FSIP2: variants seen among roughly 807,000 people sequenced by gnomAD.
The protein encoded by FSIP2 is fibrous sheath interacting protein 2.
A neutral mutation model predicts 510.5 loss-of-function variants in FSIP2; 367 were observed. The ratio of observed to expected loss-of-function variants is 0.72; its 90% CI spans 0.66 to 0.78. The LOEUF (loss-of-function observed/expected upper bound fraction) is 0.78. Among genes scored for constraint, FSIP2 ranks in the 30% least tolerant of loss-of-function variants. The pLI, the probability that FSIP2 is intolerant of heterozygous loss-of-function variation, is 0.00. For synonymous variants in FSIP2, 2,601 were observed against 2,732.2 expected, an observed-to-expected ratio of 0.95 and a Z score of 1.50; for missense variants, 7,594 against 7,901.7, an observed-to-expected ratio of 0.96 and a Z score of 1.48.
intron 22 of FSIP2, among the ~76,000 whole-genome samples, chr2:185,832,438 T>C (rs1282188368): frequency 2.0e-5 from 3 of 151,798 alleles, no homozygotes; most frequent in African/African-American, 7.3e-5. Flanking sequence ...CAAAAGAAGC[T>C]GGGTATTAAA....
In FSIP2 at chr2:185,794,117, T is replaced by C; in HGVS notation, c.6981T>C (p.Asp2327=). The change falls in exon 16 of 23, where the codon GAT becomes GAC. Residue 2327 remains aspartate, a synonymous_variant. Transcript: ENST00000424728. ...CCATTCTCAGCCAAGAGCTTACAGA[T>C]TTCACTTTTGTTGGTCGCAGAGAAA... The part of the protein sequence containing the change: ...TETILSQELT[D]FTFVGRREKL... 6.5e-7 allele frequency: 1 copy of C among 1,531,828 alleles called. No homozygotes were observed. The allele number at this position is 1,531,828 out of a possible 1,614,324, so 94.9% of individuals were successfully genotyped here.
chr2:185,792,346 T>A lies in FSIP2; in HGVS notation c.5210T>A (p.Ile1737Asn), dbSNP rs1351679732. 6.5e-7 allele frequency: 1 copy of A among 1,528,438 alleles called. No homozygotes were observed. 94.7% of individuals were successfully genotyped at this position (1,528,438 alleles called of 1,614,324 possible). A position where few individuals can be genotyped will look rare whatever the true frequency, so the allele number is the denominator to read the frequency against. ...LEDDAYTAKK[I>N]IDERSPQREE... ...GATGATGCATATACAGCGAAAAAAA[T>A]TATTGATGAGAGATCCCCACAAAGA... Residue 1737 changes from isoleucine (I) to asparagine (N), a missense_variant, in exon 16 of 23, where the codon ATT becomes AAT. Physicochemically the swap from Ile to Asn is moderately radical, Grantham distance 149. Transcript: ENST00000424728.
intron 13 of FSIP2, among the ~76,000 whole-genome samples, chr2:185,768,557 G>A (rs1450275582): frequency 6.6e-6 from 1 of 151,770 alleles, no homozygotes; most frequent in African/African-American, 2.4e-5. Context: ...ATTTTTAATT[G>A]GCATATAGTT....
intron 14 of FSIP2, among the ~76,000 whole-genome samples, chr2:185,784,847 C>T (rs1474782668): frequency 6.6e-6 from 1 of 151,970 alleles, no homozygotes; most frequent in East Asian, 1.9e-4. Context: ...TTTCTTTCGC[C>T]AGTTTACTTC....
In FSIP2 at chr2:185,813,985, A is replaced by C; in HGVS notation, c.20268A>C (p.Thr6756=). 3 of 1,613,428 alleles carry C rather than the reference A, an allele frequency of 1.9e-6. No individual in the cohort carries two copies. Among genetic ancestry groups the C allele is most frequent in the Non-Finnish European group, 2.5e-6 (3 of 1,179,640 alleles). Residue 6756 remains threonine, a synonymous_variant, in exon 18 of 23, where the codon ACA becomes ACC. Transcript: ENST00000424728. ...CTGTTGCTGAGCTTGACATGGCCACACCAAAGACGATGCCTGAAACAGCCT... is the reference window on the plus strand; with the variant it reads ...CTGTTGCTGAGCTTGACATGGCCACCCCAAAGACGATGCCTGAAACAGCCT... ...KRAVAELDMA[T]PKTMPETASS... is the part of the protein sequence containing the mutation.
In FSIP2 at chr2:185,789,714, C is replaced by CCAAT. The variant is rs1484549379; in HGVS notation, c.2579_2582dup (p.Cys862AsnfsTer12). 2 of 1,533,984 alleles carry CCAAT rather than the reference C, an allele frequency of 1.3e-6. No individual in the cohort carries two copies. The highest frequency in any genetic ancestry group is 2.7e-5 in the African/African-American group (2 of 72,838). ...TTCCTGCCAGCAACATAAGACAGAC[C>CCAAT]CAATATGTATGTTCCTTCAAAGAGC... is the stretch of plus-strand genomic sequence containing the variant. On this transcript the variant is annotated frameshift_variant, in exon 16 of 23. Coordinates refer to ENST00000424728, the MANE Select transcript of FSIP2 (RefSeq NM_173651.4). LOFTEE classifies it high-confidence loss of function.
chr2:185,776,106 C>T (rs1692711483), intron 13 of FSIP2, among the ~76,000 whole-genome samples: 1 of 151,996 alleles, frequency 6.6e-6, no homozygotes, highest in Non-Finnish European at 1.5e-5. Flanking sequence ...ACTGTCTCTA[C>T]CTAAAGTACA....
At position 185,807,197 on chromosome 2, in the gene FSIP2, T is replaced by C. The variant is rs1480592402; in HGVS notation, c.17891T>C (p.Leu5964Ser). Residue 5964 changes from leucine (L) to serine (S), a missense_variant, in exon 17 of 23, where the codon TTG (leucine) becomes TCG (serine). Physicochemically the swap from Leu to Ser is moderately radical, Grantham distance 145. Coordinates refer to ENST00000424728, the MANE Select transcript of FSIP2 (RefSeq NM_173651.4). ...GAAATTTTCCAACGTCAGGTTAACT[T>C]GATATTTTGTGATGAGGTTTCAGTT... Reference protein sequence around the residue: ...INEIFQRQVNLIFCDEVSVSA... With the variant: ...INEIFQRQVNSIFCDEVSVSA... The C allele has an allele frequency of 6.2e-7, 1 of 1,601,726 alleles. No individual in the cohort carries two copies. Among genetic ancestry groups the C allele is most frequent in the African/African-American group, 1.4e-5 (1 of 74,068 alleles).
Position 185,790,542 on chromosome 2 carries a change from G to A in FSIP2, c.3406G>A (p.Glu1136Lys), listed in dbSNP as rs1693096903. ...FGHLDSKTGS[E>K]ASVLVSEKPQ... ...TCACTTAGACAGCAAAACTGGCAGT[G>A]AAGCTTCAGTTCTTGTTTCAGAAAA... The change falls in exon 16 of 23, where the codon GAA becomes AAA. Residue 1136 changes from glutamate (E) to lysine (K), a missense_variant. Transcript: ENST00000424728. 2 of 1,534,022 alleles carry A rather than the reference G, an allele frequency of 1.3e-6. No homozygotes were observed. The highest frequency in any genetic ancestry group is 2.7e-5 in the African/African-American group (2 of 73,004).
rs745601872 is a variant in FSIP2, at chr2:185,807,956, T to C, written c.18650T>C (p.Leu6217Pro). The change falls in exon 17 of 23, where the codon CTA becomes CCA. Residue 6217 changes from leucine (L) to proline (P), a missense_variant. By Grantham distance (98) the Leu-to-Pro change is moderately conservative. Coordinates refer to ENST00000424728, the MANE Select transcript of FSIP2 (RefSeq NM_173651.4). ...TDMQKITSKV[L>P]NSVQEFISKS... is the part of the protein sequence containing the mutation. ...ATGCAAAAAATAACTTCAAAAGTAC[T>C]AAATTCAGTCCAAGAATTTATCTCC... 5 of 1,609,190 alleles carry C rather than the reference T, an allele frequency of 3.1e-6. No homozygotes were observed. The South Asian group carries it at 4.4e-5, about 14-fold the overall frequency.
intron 17 of FSIP2, among the ~76,000 whole-genome samples, chr2:185,811,868 AG>A (rs1318293028): frequency 6.6e-6 from 1 of 152,132 alleles, no homozygotes; most frequent in Non-Finnish European, 1.5e-5. Flanking sequence ...ATAGGCACAC[AG>A]AGTTAAAGAG....
In FSIP2 at chr2:185,745,486, T is replaced by C. The variant is rs1559009012; in HGVS notation, c.535T>C (p.Cys179Arg). 3.9e-6 allele frequency: 6 copies of C among 1,534,436 alleles called. No homozygotes were observed. The highest frequency in any genetic ancestry group is 4.4e-6 in the Non-Finnish European group (5 of 1,145,546). The stretch of plus-strand genomic sequence containing the variant: ...GGAAAACAATCAAATCCCTCAACAT[T>C]GTGATGTTGCACAAGTCCAAAACTG... ...IPENNQIPQH[C>R]DVAQVQNWLL... is the part of the protein sequence containing the mutation. Residue 179 changes from cysteine (C) to arginine (R), a missense_variant, in exon 5 of 23, where the codon TGT becomes CGT. Transcript: ENST00000424728.
intron 7 of FSIP2, among the ~76,000 whole-genome samples, chr2:185,753,033 A>G (rs1010580256): frequency 3.3e-5 from 5 of 151,400 alleles, no homozygotes; most frequent in Middle Eastern, 3.4e-3. Flanking sequence ...GTTGTTTCCT[A>G]CTACTGAGTT....
rs1318982428 is a variant in FSIP2 at position 185,795,525 on chromosome 2, T to C, written c.8389T>C (p.Ser2797Pro). The stretch of plus-strand genomic sequence containing the variant: ...CAATTTGGCTTACCCGATGAAATCC[T>C]CACATCTCAGACTTTCACAGGGGAA... Reference protein sequence around the residue: ...NCNLAYPMKSSHLRLSQGNIG... With the variant: ...NCNLAYPMKSPHLRLSQGNIG... Residue 2797 changes from serine (S) to proline (P), a missense_variant, in exon 16 of 23, where the codon TCA (serine) becomes CCA (proline). Transcript: ENST00000424728. The C allele has an allele frequency of 6.5e-7, 1 of 1,534,698 alleles. No individual in the cohort carries two copies. The highest frequency in any genetic ancestry group is 1.4e-5 in the African/African-American group (1 of 72,920).
intron 19 of FSIP2, among the ~76,000 whole-genome samples, chr2:185,816,174 CAT>C (rs1693822906): frequency 7.0e-6 from 1 of 142,788 alleles, no homozygotes; most frequent in South Asian, 2.4e-4. Flanking sequence ...GAGAAGTACT[CAT>C]GTTATACACA....
In FSIP2 at chr2:185,808,800, T is replaced by A; in HGVS notation, c.19494T>A (p.Asn6498Lys). Residue 6498 changes from asparagine to lysine, a missense_variant, in exon 17 of 23, where the codon AAT becomes AAA. Coordinates refer to ENST00000424728, the MANE Select transcript of FSIP2 (RefSeq NM_173651.4). ...IVQKAQEHAFNVIPELEQEKL... is the reference protein window; with the variant it reads ...IVQKAQEHAFKVIPELEQEKL... The stretch of plus-strand genomic sequence containing the variant: ...AAAAGGCCCAAGAACATGCTTTTAA[T>A]GTGATTCCTGAATTAGAGCAAGAAA... 1 of 1,612,884 alleles carries A rather than the reference T, an allele frequency of 6.2e-7. No homozygotes were observed. The highest frequency in any genetic ancestry group is 1.1e-5 in the South Asian group (1 of 90,896).
At chr2:185,832,995 C>G in intron 22 of FSIP2, 95 bp from the exon 23 acceptor site, 3 of 1,021,538 alleles carry the variant, frequency 2.9e-6, no homozygotes, top group Non-Finnish European at 4.5e-6. Flanking sequence ...CTATTACCAG[C>G]TGGGCCACCT....
intron 20 of FSIP2, among the ~76,000 whole-genome samples, chr2:185,827,900 C>G (rs981013790): frequency 6.6e-6 from 1 of 151,790 alleles, no homozygotes; most frequent in African/African-American, 2.4e-5. Flanking sequence ...GAGCTTGCCT[C>G]TCCCACTATG....
Position 185,764,495 on chromosome 2 carries a change from T to A in FSIP2, c.1348-7T>A. Reference sequence around the variant, plus strand: ...ATCTATTTGTTTTGCTGTTGTGAATTATGTAGAAGGAGACAAATGCTGATT... The same window carrying A: ...ATCTATTTGTTTTGCTGTTGTGAATAATGTAGAAGGAGACAAATGCTGATT... On this transcript the variant is annotated splice_polypyrimidine_tract_variant and splice_region_variant and intron_variant, in intron 12 of 22. Coordinates refer to ENST00000424728, the MANE Select transcript of FSIP2 (RefSeq NM_173651.4). The A allele has an allele frequency of 6.6e-7, 1 of 1,521,864 alleles. No homozygotes were observed. The highest frequency in any genetic ancestry group is 2.5e-5 in the East Asian group (1 of 40,526). 94.3% of individuals were successfully genotyped at this position (1,521,864 alleles called of 1,614,324 possible).
Sources: allele counts gnomAD v4.1 joint callset (sites outside exome capture counted in the v4.1 genomes callset), GRCh38; gene constraint gnomAD v4.1.1; transcripts MANE v1.5; gene names NCBI Gene and HGNC (gene_info 2026-07-23, HGNC 2026-07-21).